TMTC2: variants seen among roughly 807,000 people sequenced by gnomAD.
TMTC2 encodes transmembrane O-mannosyltransferase targeting cadherins 2.
A neutral mutation model predicts 82.4 loss-of-function variants in TMTC2; 43 were observed. The ratio of observed to expected loss-of-function variants is 0.52; its 90% confidence interval spans 0.41 to 0.67. TMTC2 has a LOEUF of 0.67. TMTC2 is among the 30% of genes least tolerant of loss of function. The pLI is 0.00. For missense variants in TMTC2, 919 were observed against 1,012.4 expected, an observed-to-expected ratio of 0.91 and a Z score of 1.25; for synonymous variants, 408 against 381.9, an observed-to-expected ratio of 1.07 and a Z score of -0.80.
chr12:83,133,081 G>A lies in TMTC2; in HGVS notation c.*692G>A, dbSNP rs1408963545. On this transcript the variant is annotated 3_prime_UTR_variant, in exon 12 of 12. Transcript: ENST00000321196. ...GTAGAGCTAACCATACTTCACACTCGAGTTGTATGAGGGACTGGGGAGGCC... is the reference window on the plus strand; with the variant it reads ...GTAGAGCTAACCATACTTCACACTCAAGTTGTATGAGGGACTGGGGAGGCC... 2.0e-5 allele frequency: 3 copies of A among 152,156 alleles called. No individual in the cohort carries two copies. The highest frequency in any genetic ancestry group is 1.9e-4 in the East Asian group (1 of 5,198). The allele number at this position is 152,156 out of a possible 1,614,324, so 9.4% of individuals were successfully genotyped here.
At chr12:82,957,024 C>T (rs1877651400) in intron 4 of TMTC2, among the ~76,000 whole-genome samples, 1 of 152,102 alleles carries the variant, frequency 6.6e-6, no homozygotes, top group Non-Finnish European at 1.5e-5. Flanking sequence ...AACACTGGAC[C>T]AACTGGACTG....
chr12:82,824,324 G>C (rs1869286919), intron 1 of TMTC2, among the ~76,000 whole-genome samples: 2 of 152,236 alleles, frequency 1.3e-5, no homozygotes, highest in Admixed American at 1.3e-4. Context: ...CTCTTTGGCT[G>C]ATGTGGTTTG....
At chr12:83,121,971 C>T (rs907324679) in intron 11 of TMTC2, among the ~76,000 whole-genome samples, 13 of 152,096 alleles carry the variant, frequency 8.5e-5, no homozygotes, top group Admixed American at 4.6e-4. Context: ...AGCTCCCACA[C>T]GATCTGAAGG....
intron 1 of TMTC2, among the ~76,000 whole-genome samples, chr12:82,693,922 C>T (rs757940203): frequency 2.1e-5 from 3 of 146,226 alleles, no homozygotes; most frequent in South Asian, 4.3e-4. Flanking sequence ...GAGCCAAGAT[C>T]GCGCCACCAT....
At chr12:83,100,461 T>A (rs1169234650) in intron 11 of TMTC2, among the ~76,000 whole-genome samples, 1 of 152,200 alleles carries the variant, frequency 6.6e-6, no homozygotes, top group Non-Finnish European at 1.5e-5. Context: ...TTTTCCAAAG[T>A]CACAGAGGTA....
At chr12:82,932,539 T>C (rs1876096483) in intron 4 of TMTC2, among the ~76,000 whole-genome samples, 1 of 152,184 alleles carries the variant, frequency 6.6e-6, no homozygotes. Flanking sequence ...AAGGCTCAAG[T>C]CCTCTTCATC....
rs60811291 is a variant in TMTC2, at chr12:83,018,663, G to GTTTT, written c.2071-12126_2071-12123dup. Among the ~76,000 whole-genome samples the GTTTT allele has an allele frequency of 3.0e-3, 426 of 143,520 alleles. 1 individual carries two copies. The highest frequency in any genetic ancestry group is 0.01 in the African/African-American group (396 of 39,132). 94.2% of individuals were successfully genotyped at this position (143,520 alleles called of 152,430 possible). A position where few individuals can be genotyped will look rare whatever the true frequency, so the allele number is the denominator to read the frequency against. ...CATAGAATGCTAATAAAATTTGCGG[G>GTTTT]TTTTTTTTTTTTCCCTTATGAGGAG... On this transcript the variant is annotated intron_variant, in intron 8 of 11. Coordinates refer to ENST00000321196, the MANE Select transcript of TMTC2 (RefSeq NM_152588.3).
chr12:82,743,528 T>C (rs1326973884), intron 1 of TMTC2, among the ~76,000 whole-genome samples: 1 of 152,082 alleles, frequency 6.6e-6, no homozygotes, highest in Non-Finnish European at 1.5e-5. Context: ...AATAAATAAT[T>C]TATTATTAAT....
intron 1 of TMTC2, among the ~76,000 whole-genome samples, chr12:82,826,913 A>G (rs11115450): frequency 0.19 from 29,403 of 152,186 alleles, 5,654 homozygotes; most frequent in African/African-American, 0.5. Flanking sequence ...TATTAGATCA[A>G]CACATTAAAT....
At chr12:83,022,762 A>C (rs181790418) in intron 8 of TMTC2, among the ~76,000 whole-genome samples, 1 of 152,162 alleles carries the variant, frequency 6.6e-6, no homozygotes, top group East Asian at 1.9e-4. Flanking sequence ...AAATCCCTAC[A>C]GTAAAATGAG....
At chr12:83,111,115 T>C (rs561929869) in intron 11 of TMTC2, among the ~76,000 whole-genome samples, 1 of 152,328 alleles carries the variant, frequency 6.6e-6, no homozygotes, top group East Asian at 1.9e-4. Context: ...AATACTGAAA[T>C]TTACTCCTTC....
At chr12:82,852,431 A>G (rs1237816294) in intron 1 of TMTC2, among the ~76,000 whole-genome samples, 1 of 152,262 alleles carries the variant, frequency 6.6e-6, no homozygotes, top group South Asian at 2.1e-4. Flanking sequence ...TGCTTCAAAA[A>G]GACAGTTTCT....
At chr12:82,768,321 A>G (rs80124526) in intron 1 of TMTC2, among the ~76,000 whole-genome samples, 1 of 152,176 alleles carries the variant, frequency 6.6e-6, no homozygotes, top group Non-Finnish European at 1.5e-5. Context: ...TGGTTTGTGC[A>G]ATAGCTGTGT....
chr12:82,766,284 C>T (rs1414897996), intron 1 of TMTC2, among the ~76,000 whole-genome samples: 1 of 152,210 alleles, frequency 6.6e-6, no homozygotes, highest in African/African-American at 2.4e-5. Context: ...CAAAGGCATA[C>T]TCTTATCTGT....
chr12:82,857,711 T>A, intron 2 of TMTC2, 131 bp downstream of exon 2: 1 of 780,536 alleles, frequency 1.3e-6, no homozygotes, highest in Non-Finnish European at 2.0e-6. Context: ...TGATCTTCAG[T>A]AAGTGGAAGT....
At chr12:82,858,317 C>T (rs1260276231) in intron 2 of TMTC2, among the ~76,000 whole-genome samples, 2 of 152,316 alleles carry the variant, frequency 1.3e-5, no homozygotes, top group Admixed American at 6.5e-5. Context: ...AGGCATTGAG[C>T]GGACGGGGCA....
chr12:82,942,303 T>G (rs1247477911), intron 4 of TMTC2, among the ~76,000 whole-genome samples: 1 of 152,200 alleles, frequency 6.6e-6, no homozygotes, highest in Non-Finnish European at 1.5e-5. Context: ...AGTATATACT[T>G]GTATTCTGAT....
intron 9 of TMTC2, among the ~76,000 whole-genome samples, chr12:83,032,034 C>A (rs910208805): frequency 2.0e-5 from 3 of 151,904 alleles, no homozygotes; most frequent in African/African-American, 7.2e-5. Flanking sequence ...ATATGAAGTA[C>A]TTCAGGATTT....
chr12:82,927,203 A>G (rs76452267), intron 3 of TMTC2, among the ~76,000 whole-genome samples: 159 of 152,304 alleles, frequency 1.0e-3, no homozygotes, highest in African/African-American at 3.5e-3. Context: ...TTTGTGATTC[A>G]TGGAATGAAG....
Sources: gnomAD v4.1 joint callset for allele counts (sites outside exome capture counted in the v4.1 genomes callset) on GRCh38, gnomAD v4.1.1 for gene constraint, MANE v1.5 for transcripts, NCBI Gene and HGNC (gene_info 2026-07-23, HGNC 2026-07-21) for gene names.